Variants in LDHD observed in about 807,000 individuals in gnomAD.
LDHD encodes the protein D-lactate dehydrogenase, mitochondrial.
In LDHD, 58 loss-of-function variants were observed where a neutral mutation model predicts 52.9. The ratio of observed to expected loss-of-function variants is 1.10; its 90% confidence interval spans 0.89 to 1.36. The LOEUF is 1.36. Among genes scored for constraint, LDHD ranks in the 40% most tolerant of loss-of-function variants. The pLI is 0.00. For synonymous variants in LDHD, 350 were observed against 288.6 expected (o/e 1.21, Z -2.16); for missense variants, 747 against 668.0 (o/e 1.12, Z -1.30).
chr16:75,114,271 T>C, intron 5 of LDHD, 106 bp from the exon 6 acceptor site: 1 of 1,553,352 alleles, frequency 6.4e-7, no homozygotes, highest in Non-Finnish European at 8.7e-7. Flanking sequence ...CACTGAGGTC[T>C]GGGCTGGCCT....
At chr16:75,114,311 C>T in intron 5 of LDHD, 146 bp from the exon 6 acceptor site, 2 of 1,504,954 alleles carry the variant, frequency 1.3e-6, no homozygotes, top group Non-Finnish European at 1.8e-6. Flanking sequence ...TGGCCCAGTG[C>T]TTTCTGCTCC....
In LDHD at chr16:75,116,754, G is replaced by C. The variant is rs754425742; in HGVS notation, c.-34C>G. On this transcript the variant is annotated 5_prime_UTR_variant, in exon 1 of 11. Transcript: ENST00000450168. ...ACTGGCCAGAGGGTGTGAGCACTGG[G>C]TGGCAGGGTGACCAGTCAGCTACTG... 2 of 1,446,456 alleles carry C rather than the reference G, an allele frequency of 1.4e-6. No homozygotes were observed. The highest frequency in any genetic ancestry group is 2.9e-5 in the African/African-American group (2 of 69,070). The allele number at this position is 1,446,456 out of a possible 1,614,324, so 89.6% of individuals were successfully genotyped here.
intron 2 of LDHD, 39 bp downstream of exon 2, chr16:75,115,509 T>G (rs2036530410): frequency 6.3e-7 from 1 of 1,598,696 alleles, no homozygotes; most frequent in Middle Eastern, 1.7e-4. Context: ...TGGGGTTGAA[T>G]CCAGAAGACA....
At chr16:75,114,419 C>T in intron 5 of LDHD, 107 bp downstream of exon 5, 1 of 1,379,224 alleles carries the variant, frequency 7.3e-7, no homozygotes, top group Non-Finnish European at 9.6e-7. Context: ...CCTAGCCTGC[C>T]AAACCAGGGG....
At chr16:75,113,395 C>T (rs2036453472) in intron 8 of LDHD, 140 bp downstream of exon 8, 1 of 1,058,028 alleles carries the variant, frequency 9.5e-7, no homozygotes. Context: ...GTCTGCAGCC[C>T]TTGTTTCTAG....
Position 75,114,059 on chromosome 16 carries a change from T to C in LDHD, c.736A>G (p.Thr246Ala), listed in dbSNP as rs1266675764. 1 of 1,610,780 alleles carries C rather than the reference T, an allele frequency of 6.2e-7. No individual in the cohort carries two copies. The highest frequency in any genetic ancestry group is 2.2e-5 in the East Asian group (1 of 44,880). Residue 246 changes from threonine to alanine, a missense_variant, in exon 6 of 11, where the codon ACA (threonine) becomes GCA (alanine). Thr to Ala is a moderately conservative substitution (Grantham distance 58, BLOSUM62 0). Transcript: ENST00000450168. ...GGGAACGCACACGTGGCGGCCACTG[T>C]GGCCTCAGGGGCAGGGTGCAGGCGC... The part of the protein sequence containing the change: ...TLRLHPAPEA[T>A]VAATCAFPSV...
rs575506633 is a variant in LDHD, at chr16:75,114,039, C to T, written c.756G>A (p.Ala252=). The T allele has an allele frequency of 8.7e-6, 14 of 1,609,174 alleles. No homozygotes were observed. The East Asian group carries it at 1.1e-4, about 13-fold the overall frequency. The change falls in exon 6 of 11, where the codon GCG becomes GCA. Residue 252 remains alanine (A), a synonymous_variant. Coordinates refer to ENST00000450168, the MANE Select transcript of LDHD (RefSeq NM_194436.3). The part of the protein sequence containing the change: ...APEATVAATC[A]FPSVQAAVDS... ...CCACAGCAGCCTGGACACTGGGGAA[C>T]GCACACGTGGCGGCCACTGTGGCCT...
chr16:75,115,031 A>G, intron 3 of LDHD, 63 bp from the exon 4 acceptor site: 2 of 1,564,378 alleles, frequency 1.3e-6, no homozygotes, highest in Non-Finnish European at 1.7e-6. Context: ...ACGTCCCCGG[A>G]CCACACCCCG....
intron 5 of LDHD, 75 bp downstream of exon 5, chr16:75,114,451 C>A: frequency 7.1e-7 from 1 of 1,415,736 alleles, no homozygotes; most frequent in East Asian, 2.5e-5. Context: ...GTGCTTTTCA[C>A]AGCCCGGTCT....
Position 75,114,514 on chromosome 16 carries a change from G to A in LDHD, c.629+12C>T. 6.6e-7 allele frequency: 1 copy of A among 1,506,688 alleles called. No homozygotes were observed. 93.3% of individuals were successfully genotyped at this position (1,506,688 alleles called of 1,614,324 possible). Reference sequence around the variant, plus strand: ...AGGGCCAGAGCCCGGGCCCCCCGCAGAGGGCGCTCACCGGAAATGCCGGCC... The same window carrying A: ...AGGGCCAGAGCCCGGGCCCCCCGCAAAGGGCGCTCACCGGAAATGCCGGCC... On this transcript the variant is annotated intron_variant, in intron 5 of 10. Coordinates refer to ENST00000450168, the MANE Select transcript of LDHD (RefSeq NM_194436.3).
rs779421015 is a variant in LDHD, at chr16:75,113,678, G to A, written c.959-16C>T. 18 of 1,613,030 alleles carry A rather than the reference G, an allele frequency of 1.1e-5. No individual in the cohort carries two copies. In the East Asian group the frequency reaches 2.7e-4, roughly 24 times the overall value. Reference sequence around the variant, plus strand: ...ACTATCTCCTCTGCAGTTGGGGAAGGGGGGCTGACACCGGGCCGCCACTGA... The same window carrying A: ...ACTATCTCCTCTGCAGTTGGGGAAGAGGGGCTGACACCGGGCCGCCACTGA... On this transcript the variant is annotated splice_polypyrimidine_tract_variant and intron_variant, in intron 7 of 10. Transcript: ENST00000450168.
intron 8 of LDHD, 89 bp downstream of exon 8, chr16:75,113,446 C>T: frequency 3.4e-6 from 5 of 1,457,514 alleles, no homozygotes; most frequent in African/African-American, 1.4e-5. Flanking sequence ...TGAGGCTCAG[C>T]CTGCTGCTCT....
chr16:75,116,223 A>C (rs1341029676), intron 1 of LDHD, among the ~76,000 whole-genome samples: 1 of 152,030 alleles, frequency 6.6e-6, no homozygotes, highest in African/African-American at 2.4e-5. Context: ...GGGGAGGAAA[A>C]GCTTCCACTG....
In LDHD at chr16:75,114,956, C is replaced by A; in HGVS notation, c.340G>T (p.Val114Phe). The A allele has an allele frequency of 1.2e-6, 2 of 1,611,532 alleles. No individual in the cohort carries two copies. Among genetic ancestry groups the A allele is most frequent in the Non-Finnish European group, 1.7e-6 (2 of 1,178,924 alleles). ...GVCAVQGGVC[V>F]NLTHMDRILE... ...ATTCGGTCCATATGCGTCAGGTTAA[C>A]GCAGACGCCGCCCTGGTTGGGGCAG... Residue 114 changes from valine to phenylalanine, a missense_variant, in exon 4 of 11, where the codon GTT becomes TTT. Transcript: ENST00000450168.
At position 75,113,775 on chromosome 16, in the gene LDHD, G is replaced by A; in HGVS notation, c.925C>T (p.Gln309Ter). 6.2e-7 allele frequency: 1 copy of A among 1,613,980 alleles called. No homozygotes were observed. The highest frequency in any genetic ancestry group is 8.5e-7 in the Non-Finnish European group (1 of 1,180,006). ...PTLFLEFHGS[Q>*]QALEEQLQRT... is the part of the protein sequence containing the mutation. ...TGCAGCTGCTCCTCCAGTGCCTGCT[G>A]GGAGCCATGGAACTCCAGGAAGAGT... is the stretch of plus-strand genomic sequence containing the variant. The change falls in exon 7 of 11, where the codon CAG (glutamine) becomes TAG (stop). Residue 309 changes from glutamine to a stop codon, truncating the protein, a stop_gained. Coordinates refer to ENST00000450168, the MANE Select transcript of LDHD (RefSeq NM_194436.3). LOFTEE classifies it high-confidence loss of function.
At position 75,113,556 on chromosome 16, in the gene LDHD, C is replaced by T; in HGVS notation, c.1065G>A (p.Leu355=). Residue 355 remains leucine (L), a synonymous_variant, in exon 8 of 11, where the codon CTG becomes CTA. Coordinates refer to ENST00000450168, the MANE Select transcript of LDHD (RefSeq NM_194436.3). ...TCACCTTGCAGCCTGGCCGCGTGGCCAGGGCTGCGTACCAGGCATTGTGCC... is the reference window on the plus strand; with the variant it reads ...TCACCTTGCAGCCTGGCCGCGTGGCTAGGGCTGCGTACCAGGCATTGTGCC... ...TARHNAWYAA[L]ATRPGCKGYS... 6.2e-7 allele frequency: 1 copy of T among 1,611,630 alleles called. No homozygotes were observed. The highest frequency in any genetic ancestry group is 2.2e-5 in the East Asian group (1 of 44,824).
chr16:75,116,443 G>C (rs1567505672), intron 1 of LDHD, among the ~76,000 whole-genome samples: 1 of 152,164 alleles, frequency 6.6e-6, no homozygotes, highest in Non-Finnish European at 1.5e-5. Context: ...GACTCCCCCA[G>C]CCCCACTCAT....
rs1336312328 is a variant in LDHD at position 75,112,697 on chromosome 16, A to G, written c.1194T>C (p.His398=). ...TGCAGTGGAAGTTGCCGTCACCCAC[A>G]TGCCCGACAATGCTTCCTGGGGGCC... is the stretch of plus-strand genomic sequence containing the variant. ...ASGLTGSIVG[H]VGDGNFHCIL... is the part of the protein sequence containing the mutation. The change falls in exon 10 of 11, where the codon CAT becomes CAC. Residue 398 remains histidine (H), a synonymous_variant. Transcript: ENST00000450168. 3.1e-6 allele frequency: 5 copies of G among 1,613,708 alleles called. No homozygotes were observed. Among genetic ancestry groups the G allele is most frequent in the African/African-American group, 2.7e-5 (2 of 74,898 alleles).
At chr16:75,115,149 A>T in intron 3 of LDHD, 49 bp downstream of exon 3, 1 of 1,562,738 alleles carries the variant, frequency 6.4e-7, no homozygotes, top group Non-Finnish European at 8.7e-7. Context: ...CAGGTGTGCC[A>T]AGGTGTGCTG....
Sources: allele counts gnomAD v4.1 joint callset (sites outside exome capture counted in the v4.1 genomes callset), GRCh38; gene constraint gnomAD v4.1.1; transcripts MANE v1.5; gene names NCBI Gene and HGNC (gene_info 2026-07-23, HGNC 2026-07-21).